RBM20: variants seen among roughly 807,000 people sequenced by gnomAD.
RBM20 encodes the protein RNA-binding protein 20.
RBM20 carries 51 observed loss-of-function variants against 110.1 expected under a neutral mutation model. That is an observed-to-expected ratio of 0.46 (90% CI 0.37 to 0.59). The LOEUF is 0.59. Among genes scored for constraint, RBM20 ranks in the 20% least tolerant of loss-of-function variants. The pLI is 0.00. For synonymous variants in RBM20, 589 were observed against 618.2 expected, an observed-to-expected ratio of 0.95 and a Z score of 0.70; for missense variants, 1,512 against 1,574.9, an observed-to-expected ratio of 0.96 and a Z score of 0.68.
In RBM20 at chr10:110,803,761, CTCTG is replaced by C. The variant is rs569726279; in HGVS notation, c.1800+3848_1800+3851del. On this transcript the variant is annotated intron_variant, in intron 7 of 13. Coordinates refer to ENST00000369519, the MANE Select transcript of RBM20 (RefSeq NM_001134363.3). ...CTATGTTGATATGAATCAGCTGCCA[CTCTG>C]TCTGCACGTAACAGAAATTCATCTC... is the stretch of plus-strand genomic sequence containing the variant. Among the ~76,000 whole-genome samples the C allele has an allele frequency of 2.7e-4, 37 of 138,684 alleles. No individual in the cohort carries two copies. In the East Asian group the frequency reaches 5.8e-3, roughly 22 times the overall value. 91.0% of individuals were successfully genotyped at this position (138,684 alleles called of 152,430 possible).
intron 1 of RBM20, among the ~76,000 whole-genome samples, chr10:110,749,876 A>G (rs1380863033): frequency 6.6e-6 from 1 of 152,192 alleles, no homozygotes; most frequent in Non-Finnish European, 1.5e-5. Context: ...GAAAATCAAA[A>G]TGTTAACACT....
intron 1 of RBM20, among the ~76,000 whole-genome samples, chr10:110,758,774 A>G (rs1352938803): frequency 6.6e-6 from 1 of 152,202 alleles, no homozygotes; most frequent in East Asian, 1.9e-4. Flanking sequence ...AAATAGAAAA[A>G]TGTGGCAAAT....
At chr10:110,677,768 C>T (rs1012684840) in intron 1 of RBM20, among the ~76,000 whole-genome samples, 2 of 152,126 alleles carry the variant, frequency 1.3e-5, no homozygotes, top group South Asian at 2.1e-4. Context: ...TTGGTGTGTT[C>T]GATGGGCATG....
At position 110,812,660 on chromosome 10, in the gene RBM20, C is replaced by T. The variant is rs770910910; in HGVS notation, c.2263C>T (p.Arg755Cys). The change falls in exon 9 of 14, where the codon CGT becomes TGT. Residue 755 changes from arginine to cysteine, a missense_variant. Arg to Cys is a radical substitution (Grantham distance 180, BLOSUM62 -3). Around this residue, in one of 3 missense-constraint regions of RBM20, gnomAD observed 1,149 missense variants for 1,169.4 expected, o/e 0.98. Coordinates refer to ENST00000369519, the MANE Select transcript of RBM20 (RefSeq NM_001134363.3). ...CCACTCTGTGTCCAGCTACAAAAGC[C>T]GTGAAGACGGCTACTACCGGAAAGA... ...LPHSVSSYKS[R>C]EDGYYRKEPK... 17 of 1,551,566 alleles carry T rather than the reference C, an allele frequency of 1.1e-5. No individual in the cohort carries two copies. Among genetic ancestry groups the T allele is most frequent in the South Asian group, 7.1e-5 (6 of 84,058 alleles).
chr10:110,762,585 G>A (rs1453389302), intron 1 of RBM20, among the ~76,000 whole-genome samples: 1 of 152,226 alleles, frequency 6.6e-6, no homozygotes, highest in African/African-American at 2.4e-5. Flanking sequence ...AGTGTATCAT[G>A]TTACGGAGCT....
chr10:110,791,997 G>A (rs143343896), intron 5 of RBM20, among the ~76,000 whole-genome samples: 5 of 152,204 alleles, frequency 3.3e-5, no homozygotes, highest in African/African-American at 9.6e-5. Flanking sequence ...TTTATTTTTG[G>A]TAACTTTTAA....
intron 1 of RBM20, among the ~76,000 whole-genome samples, chr10:110,753,905 C>T (rs1843891022): frequency 6.6e-6 from 1 of 152,198 alleles, no homozygotes; most frequent in African/African-American, 2.4e-5. Context: ...TCTCCTGTCA[C>T]ATCACCTTCT....
intron 5 of RBM20, among the ~76,000 whole-genome samples, chr10:110,794,238 T>C (rs1268853522): frequency 1.3e-5 from 2 of 152,236 alleles, no homozygotes; most frequent in Non-Finnish European, 2.9e-5. Flanking sequence ...GTATGAATCA[T>C]ATATGGTTTT....
chr10:110,653,343 C>T (rs1861977854), intron 1 of RBM20, among the ~76,000 whole-genome samples: 1 of 152,116 alleles, frequency 6.6e-6, no homozygotes, highest in African/African-American at 2.4e-5. Context: ...TTTGCGGGGA[C>T]TATATTTGCA....
intron 1 of RBM20, among the ~76,000 whole-genome samples, chr10:110,682,080 T>C (rs900669889): frequency 6.6e-6 from 1 of 152,050 alleles, no homozygotes; most frequent in African/African-American, 2.4e-5. Context: ...TTAGTAGGGA[T>C]GGGGTTTCAC....
intron 1 of RBM20, among the ~76,000 whole-genome samples, chr10:110,758,170 C>T (rs951239910): frequency 6.6e-6 from 1 of 151,766 alleles, no homozygotes; most frequent in African/African-American, 2.4e-5. Context: ...AGGTGTGCAC[C>T]ACCACACCTG....
intron 1 of RBM20, among the ~76,000 whole-genome samples, chr10:110,759,753 A>G (rs186046898): frequency 3.9e-5 from 6 of 152,350 alleles, no homozygotes; most frequent in Non-Finnish European, 8.8e-5. Flanking sequence ...GCTCAGCTGC[A>G]GAGTCTGTAA....
chr10:110,738,559 G>A (rs1332088540), intron 1 of RBM20, among the ~76,000 whole-genome samples: 1 of 152,112 alleles, frequency 6.6e-6, no homozygotes, highest in Admixed American at 6.5e-5. Context: ...GAAATGACAG[G>A]GAGCTTACGA....
chr10:110,751,025 G>C (rs1222206009), intron 1 of RBM20, among the ~76,000 whole-genome samples: 2 of 148,854 alleles, frequency 1.3e-5, no homozygotes, highest in African/African-American at 5.0e-5. Context: ...CGTAGGGCAT[G>C]CTTTCCTTTT....
intron 7 of RBM20, among the ~76,000 whole-genome samples, chr10:110,810,101 G>T (rs1018218044): frequency 6.6e-6 from 1 of 151,920 alleles, no homozygotes; most frequent in Non-Finnish European, 1.5e-5. Flanking sequence ...GGCAGAGGTG[G>T]GTATTAACAA....
At chr10:110,711,298 C>G (rs949864401) in intron 1 of RBM20, among the ~76,000 whole-genome samples, 3 of 140,372 alleles carry the variant, frequency 2.1e-5, no homozygotes, top group Non-Finnish European at 3.0e-5. Flanking sequence ...CCACTTCACT[C>G]CAGCCTGGGA....
chr10:110,700,530 C>T (rs1255266862), intron 1 of RBM20, among the ~76,000 whole-genome samples: 2 of 152,110 alleles, frequency 1.3e-5, no homozygotes. Flanking sequence ...GAGGCAGAGG[C>T]CTAGGTTTGG....
At chr10:110,733,840 C>A (rs1441598191) in intron 1 of RBM20, among the ~76,000 whole-genome samples, 1 of 152,222 alleles carries the variant, frequency 6.6e-6, no homozygotes, top group Admixed American at 6.5e-5. Context: ...TTATCCCCAG[C>A]AATTCGGTTT....
At chr10:110,748,951 G>A (rs1033321197) in intron 1 of RBM20, among the ~76,000 whole-genome samples, 2 of 152,192 alleles carry the variant, frequency 1.3e-5, no homozygotes, top group African/African-American at 4.8e-5. Context: ...TTTTGTGGTG[G>A]ATGGGAAAAT....
Sources: allele counts gnomAD v4.1 joint callset (sites outside exome capture counted in the v4.1 genomes callset), GRCh38; gene constraint gnomAD v4.1.1; regional missense constraint gnomAD v4.1.1; transcripts MANE v1.5; gene names NCBI Gene and HGNC (gene_info 2026-07-23, HGNC 2026-07-21).